Variants in CNTN5 observed in about 807,000 individuals in gnomAD.
The protein encoded by CNTN5 is contactin 5, also known as contactin-5.
Under a neutral mutation model 129.1 loss-of-function variants are expected in CNTN5, and 77 were observed. The observed-to-expected ratio is 0.60, with a 90% CI of 0.50 to 0.72. The LOEUF is 0.72. CNTN5 is among the 30% of genes least tolerant of loss of function. CNTN5 has a pLI of 0.00. For missense variants in CNTN5, 1,478 were observed against 1,328.8 expected (o/e 1.11, Z -1.75); for synonymous variants, 509 against 465.6 (o/e 1.09, Z -1.20).
At chr11:99,588,740 C>T (rs571568306) in intron 3 of CNTN5, among the ~76,000 whole-genome samples, 1 of 152,248 alleles carries the variant, frequency 6.6e-6, no homozygotes, top group African/African-American at 2.4e-5. Context: ...CTTCAGAAAT[C>T]AGGGAAATCC....
At chr11:100,041,761 A>C (rs920907009) in intron 9 of CNTN5, among the ~76,000 whole-genome samples, 4 of 152,216 alleles carry the variant, frequency 2.6e-5, no homozygotes, top group African/African-American at 7.2e-5. Context: ...AATGGTAAAA[A>C]CATAAAGGCC....
intron 1 of CNTN5, among the ~76,000 whole-genome samples, chr11:99,055,821 T>C (rs1160466974): frequency 6.6e-6 from 1 of 152,002 alleles, no homozygotes; most frequent in Admixed American, 6.6e-5. Context: ...GAAGGGACCC[T>C]TTCAAACTCA....
At chr11:99,865,096 C>A (rs966980523) in intron 6 of CNTN5, among the ~76,000 whole-genome samples, 2 of 152,158 alleles carry the variant, frequency 1.3e-5, no homozygotes, top group Non-Finnish European at 1.5e-5. Flanking sequence ...CATCTTCCAT[C>A]TCTTTGTCTT....
At chr11:99,270,337 C>G (rs1189192101) in intron 1 of CNTN5, among the ~76,000 whole-genome samples, 1 of 151,676 alleles carries the variant, frequency 6.6e-6, no homozygotes, top group Non-Finnish European at 1.5e-5. Context: ...ATCTTCAGTC[C>G]TTCTAAATAA....
At chr11:99,299,082 A>G (rs1864510491) in intron 1 of CNTN5, among the ~76,000 whole-genome samples, 2 of 152,064 alleles carry the variant, frequency 1.3e-5, no homozygotes, top group African/African-American at 2.4e-5. Context: ...TCTTTTTTCT[A>G]TCTTCAACTT....
In CNTN5 at chr11:99,456,974, A is replaced by T. The variant is rs867774437; in HGVS notation, c.-70-99171A>T. ...TTCTGTGTGTCAGGCAACGTGATAGATGCTTCTGATAAAATAAAAAAGAAG... is the reference window on the plus strand; with the variant it reads ...TTCTGTGTGTCAGGCAACGTGATAGTTGCTTCTGATAAAATAAAAAAGAAG... On this transcript the variant is annotated intron_variant, in intron 2 of 24. Transcript: ENST00000524871. Among the ~76,000 whole-genome samples the T allele has an allele frequency of 2.9e-4, 44 of 152,126 alleles. 1 individual carries two copies. The highest frequency in any genetic ancestry group is 9.6e-4 in the African/African-American group (40 of 41,562).
At chr11:99,990,875 A>G (rs149644060) in intron 8 of CNTN5, among the ~76,000 whole-genome samples, 1 of 152,328 alleles carries the variant, frequency 6.6e-6, no homozygotes, top group Non-Finnish European at 1.5e-5. Flanking sequence ...TAAACCCTCA[A>G]GAACATCAGC....
chr11:99,732,287 T>C (rs1173830629), intron 3 of CNTN5, among the ~76,000 whole-genome samples: 2 of 152,186 alleles, frequency 1.3e-5, no homozygotes, highest in Admixed American at 6.5e-5. Context: ...TGGAATGATA[T>C]CAGGGGTGAT....
chr11:99,536,676 A>G (rs886542403), intron 2 of CNTN5, among the ~76,000 whole-genome samples: 1 of 152,098 alleles, frequency 6.6e-6, no homozygotes, highest in African/African-American at 2.4e-5. Flanking sequence ...AGGCATTGGA[A>G]TAAGTGAGTT....
rs117780289 is a variant in CNTN5 at position 99,790,759 on chromosome 11, C to A, written c.56-28785C>A. On this transcript the variant is annotated intron_variant, in intron 3 of 24. Coordinates refer to ENST00000524871, the MANE Select transcript of CNTN5 (RefSeq NM_014361.4). ...TGAGAAATTGTCAAACAAGTTTTCA[C>A]AATGCTGAACTAAGTTACATTCCCA... 1.8e-4 allele frequency among the ~76,000 whole-genome samples: 27 copies of A among 152,206 alleles called. No individual in the cohort carries two copies. The East Asian group carries it at 5.0e-3, about 28-fold the overall frequency.
chr11:99,039,357 C>G (rs1863890169), intron 1 of CNTN5, among the ~76,000 whole-genome samples: 1 of 152,052 alleles, frequency 6.6e-6, no homozygotes, highest in Admixed American at 6.5e-5. Flanking sequence ...TTCTTCAGAC[C>G]AATCCCTTCT....
intron 13 of CNTN5, among the ~76,000 whole-genome samples, chr11:100,184,794 T>C (rs1948246973): frequency 6.6e-6 from 1 of 152,266 alleles, no homozygotes; most frequent in Admixed American, 6.5e-5. Context: ...ATAGGGATCA[T>C]TTACAAATTA....
rs1946798574 is a variant in CNTN5, at chr11:100,144,808, G to T, written c.1581-46318G>T. Among the ~76,000 whole-genome samples the T allele has an allele frequency of 2.0e-5, 3 of 150,888 alleles. No homozygotes were observed. The South Asian group carries it at 6.3e-4, about 32-fold the overall frequency. On this transcript the variant is annotated intron_variant, in intron 13 of 24. Transcript: ENST00000524871. ...CATTATTCTTGTATTTCATAATAAA[G>T]CCCTGTACTTGGTTATAATGTTAAA...
At chr11:100,142,415 T>A (rs991868394) in intron 13 of CNTN5, among the ~76,000 whole-genome samples, 1 of 152,150 alleles carries the variant, frequency 6.6e-6, no homozygotes, top group African/African-American at 2.4e-5. Context: ...CTAATACATA[T>A]GTAGATTGAG....
intron 2 of CNTN5, among the ~76,000 whole-genome samples, chr11:99,543,846 A>C (rs2135502784): frequency 7.1e-6 from 1 of 141,508 alleles, no homozygotes; most frequent in East Asian, 2.2e-4. Flanking sequence ...GCTTGAACTC[A>C]GGAATCGGAG....
chr11:99,396,961 T>A (rs910764458), intron 2 of CNTN5, among the ~76,000 whole-genome samples: 1 of 151,712 alleles, frequency 6.6e-6, no homozygotes, highest in Non-Finnish European at 1.5e-5. Context: ...TTAAGAAGTA[T>A]TGTCATTCCA....
chr11:100,267,330 A>C (rs1950327572), intron 17 of CNTN5, among the ~76,000 whole-genome samples: 1 of 151,832 alleles, frequency 6.6e-6, no homozygotes, highest in Non-Finnish European at 1.5e-5. Flanking sequence ...CCCATCCTAT[A>C]AGGACACTAA....
chr11:100,234,808 A>AAAAAAAAAAAAAAAAAAAAAAAC, intron 16 of CNTN5, among the ~76,000 whole-genome samples: 1 of 150,866 alleles, frequency 6.6e-6, no homozygotes, highest in Non-Finnish European at 1.5e-5. Context: ...AAAAAAAAAA[A>AAAAAAAAAAAAAAAAAAAAAAAC]AAAAAAAAAG....
chr11:99,434,041 T>C (rs1943503808), intron 2 of CNTN5, among the ~76,000 whole-genome samples: 1 of 152,164 alleles, frequency 6.6e-6, no homozygotes, highest in Non-Finnish European at 1.5e-5. Context: ...TCAGGGACAC[T>C]GTGCTCAGTG....
Sources: allele counts gnomAD v4.1 joint callset (sites outside exome capture counted in the v4.1 genomes callset), GRCh38; gene constraint gnomAD v4.1.1; transcripts MANE v1.5; gene names NCBI Gene and HGNC (gene_info 2026-07-23, HGNC 2026-07-21).